CNTLN: variants seen among roughly 807,000 people sequenced by gnomAD.
CNTLN encodes the protein centlein.
In CNTLN, 212 loss-of-function variants were observed where a neutral mutation model predicts 180.0. That is an observed-to-expected ratio of 1.18 (90% CI 1.05 to 1.32). The LOEUF is 1.32. CNTLN is among the 40% of genes most tolerant of loss of function. The pLI, the probability that CNTLN is intolerant of heterozygous loss-of-function variation, is 0.00. For missense variants in CNTLN, 2,095 were observed against 1,610.9 expected (o/e 1.30, Z -5.14); for synonymous variants, 722 against 563.1 (o/e 1.28, Z -3.99).
At chr9:17,434,250 C>G (rs964709294) in intron 18 of CNTLN, among the ~76,000 whole-genome samples, 12 of 151,738 alleles carry the variant, frequency 7.9e-5, no homozygotes, top group African/African-American at 1.5e-4. Flanking sequence ...TATTTCTGCT[C>G]TTATCTTTAT....
intron 2 of CNTLN, among the ~76,000 whole-genome samples, chr9:17,200,430 A>G (rs1050863679): frequency 1.3e-5 from 2 of 152,040 alleles, no homozygotes; most frequent in Non-Finnish European, 2.9e-5. Context: ...TTTGGGGAGT[A>G]TGGCCATTTT....
At chr9:17,299,406 CATATT>C in intron 7 of CNTLN, 1 of 947,516 alleles carries the variant, frequency 1.1e-6, no homozygotes, top group Non-Finnish European at 1.3e-6. Flanking sequence ...ATACACAGTT[CATATT>C]ATCCCTCTAG....
At chr9:17,474,862 C>T (rs1046231656) in intron 23 of CNTLN, among the ~76,000 whole-genome samples, 4 of 148,226 alleles carry the variant, frequency 2.7e-5, no homozygotes, top group African/African-American at 1.0e-4. Flanking sequence ...AGTGAGACTC[C>T]ACCTCAAAAA....
At chr9:17,422,544 T>C (rs1828795577) in intron 18 of CNTLN, among the ~76,000 whole-genome samples, 1 of 152,162 alleles carries the variant, frequency 6.6e-6, no homozygotes, top group South Asian at 2.1e-4. Context: ...AGCTCCAAAA[T>C]ATCTGATTGG....
chr9:17,490,640 G>A (rs1273981087), intron 25 of CNTLN, among the ~76,000 whole-genome samples: 1 of 151,912 alleles, frequency 6.6e-6, no homozygotes, highest in Non-Finnish European at 1.5e-5. Context: ...AAAATGCTCT[G>A]GAATTACTAG....
rs1355808818 is a variant in CNTLN at position 17,261,970 on chromosome 9, AG to A, written c.850-11761del. ...GGACATTTATGATGCCAACAAACAT[AG>A]GAAAAAAGCTTATCAGTAGTCATTA... On this transcript the variant is annotated intron_variant, in intron 5 of 25. Transcript: ENST00000380647. Among the ~76,000 whole-genome samples, 22 of 151,640 alleles carry A rather than the reference AG, an allele frequency of 1.5e-4. 1 individual carries two copies. Among genetic ancestry groups the A allele is most frequent in the African/African-American group, 5.1e-4 (21 of 40,930 alleles).
chr9:17,458,927 C>A (rs1011319200), intron 19 of CNTLN, among the ~76,000 whole-genome samples: 5 of 151,754 alleles, frequency 3.3e-5, no homozygotes, highest in African/African-American at 1.2e-4. Context: ...AATGTGTAAA[C>A]TGAACATTTC....
chr9:17,294,883 AGGGGG>A (rs1273928126), intron 6 of CNTLN, among the ~76,000 whole-genome samples: 1 of 12,012 alleles, frequency 8.3e-5, no homozygotes, highest in African/African-American at 3.5e-4. Context: ...GAGTGGGGGG[AGGGGG>A]GAGTGGGGAG....
chr9:17,138,599 C>T (rs1817877668), intron 1 of CNTLN, among the ~76,000 whole-genome samples: 1 of 152,162 alleles, frequency 6.6e-6, no homozygotes, highest in Non-Finnish European at 1.5e-5. Context: ...CTGTATTCTA[C>T]TTGGCGAGTC....
At chr9:17,252,054 TG>T (rs1241809391) in intron 5 of CNTLN, among the ~76,000 whole-genome samples, 1 of 151,926 alleles carries the variant, frequency 6.6e-6, no homozygotes, top group African/African-American at 2.4e-5. Flanking sequence ...CTACTTCAAA[TG>T]GTATGATTTC....
At chr9:17,205,611 T>C (rs1358087817) in intron 2 of CNTLN, among the ~76,000 whole-genome samples, 1 of 152,194 alleles carries the variant, frequency 6.6e-6, no homozygotes, top group Non-Finnish European at 1.5e-5. Flanking sequence ...CTAGTAGTGG[T>C]CCTCTGAGCT....
intron 7 of CNTLN, chr9:17,300,817 A>T (rs1818292376): frequency 4.5e-6 from 1 of 220,616 alleles, no homozygotes; most frequent in South Asian, 1.7e-4. Context: ...AGCAACACAA[A>T]CCATGTTTTT....
At chr9:17,311,280 C>T (rs190817160) in intron 8 of CNTLN, among the ~76,000 whole-genome samples, 2 of 152,000 alleles carry the variant, frequency 1.3e-5, no homozygotes, top group East Asian at 3.9e-4. Context: ...CCGCCGTGGC[C>T]TTCCAAAGTG....
chr9:17,199,352 C>T (rs1371481059), intron 2 of CNTLN, among the ~76,000 whole-genome samples: 1 of 151,914 alleles, frequency 6.6e-6, no homozygotes, highest in African/African-American at 2.4e-5. Flanking sequence ...GCTGGGACTA[C>T]AGGCATGTGC....
chr9:17,392,200 A>G (rs888532814), intron 14 of CNTLN, among the ~76,000 whole-genome samples: 4 of 152,144 alleles, frequency 2.6e-5, no homozygotes, highest in African/African-American at 9.7e-5. Context: ...CCAGGAGGTC[A>G]AGGCTGAAAA....
intron 18 of CNTLN, among the ~76,000 whole-genome samples, chr9:17,419,685 CT>C (rs1828552497): frequency 1.3e-5 from 2 of 151,970 alleles, no homozygotes; most frequent in African/African-American, 2.4e-5. Context: ...AAGAAATAAC[CT>C]TATACCCTTC....
intron 5 of CNTLN, among the ~76,000 whole-genome samples, chr9:17,258,780 G>T (rs1365840021): frequency 6.9e-6 from 1 of 145,866 alleles, no homozygotes; most frequent in African/African-American, 2.7e-5. Context: ...CTGTTTGTCT[G>T]TTGTTGGTGT....
downstream of CNTLN, among the ~76,000 whole-genome samples, chr9:17,505,716 T>C (rs947324771): frequency 6.6e-6 from 1 of 152,108 alleles, no homozygotes; most frequent in South Asian, 2.1e-4. Context: ...CAAATTTATA[T>C]AGAGATTTAA....
At chr9:17,494,088 T>C (rs1253968452) in intron 25 of CNTLN, among the ~76,000 whole-genome samples, 1 of 152,226 alleles carries the variant, frequency 6.6e-6, no homozygotes, top group Non-Finnish European at 1.5e-5. Context: ...AAAAGTGTTT[T>C]GTCACCCTTA....
Sources: gnomAD v4.1 joint callset for allele counts (sites outside exome capture counted in the v4.1 genomes callset) on GRCh38, gnomAD v4.1.1 for gene constraint, MANE v1.5 for transcripts, NCBI Gene and HGNC (gene_info 2026-07-23, HGNC 2026-07-21) for gene names.